The following VEZT variants were observed in gnomAD, a reference collection of about 807,000 sequenced individuals.
VEZT encodes vezatin.
In VEZT, 39 loss-of-function variants were observed where a neutral mutation model predicts 79.9. That is an observed-to-expected ratio of 0.49 (90% CI 0.38 to 0.64). VEZT has a LOEUF of 0.64. Ranked by LOEUF, VEZT falls within the 30% of genes least tolerant of loss-of-function variation. The pLI is 0.00. For missense variants in VEZT, 837 were observed against 893.1 expected, an observed-to-expected ratio of 0.94 and a Z score of 0.80; for synonymous variants, 325 against 327.6, an observed-to-expected ratio of 0.99 and a Z score of 0.09.
intron 9 of VEZT, among the ~76,000 whole-genome samples, chr12:95,292,893 CA>C (rs1478974178): frequency 6.8e-6 from 1 of 147,384 alleles, no homozygotes; most frequent in Non-Finnish European, 1.5e-5. Flanking sequence ...CTCTGTTGCC[CA>C]GGCTGGAGTG....
intron 1 of VEZT, among the ~76,000 whole-genome samples, chr12:95,238,853 C>A (rs901138190): frequency 6.6e-6 from 1 of 152,078 alleles, no homozygotes; most frequent in Non-Finnish European, 1.5e-5. Flanking sequence ...TTCTTGTAGT[C>A]CCAGTTATCC....
At chr12:95,268,262 G>A (rs931436969) in intron 5 of VEZT, among the ~76,000 whole-genome samples, 2 of 152,136 alleles carry the variant, frequency 1.3e-5, no homozygotes, top group Admixed American at 6.5e-5. Flanking sequence ...TTGGGAGGCC[G>A]AGGCGGGCGG....
In VEZT at chr12:95,301,621, T is replaced by C; in HGVS notation, c.*948T>C. 6.6e-6 allele frequency: 1 copy of C among 152,232 alleles called. No individual in the cohort carries two copies. The highest frequency in any genetic ancestry group is 1.5e-5 in the Non-Finnish European group (1 of 68,040). The allele number at this position is 152,232 out of a possible 1,614,324, so 9.4% of individuals were successfully genotyped here. A position where few individuals can be genotyped will look rare whatever the true frequency, so the allele number is the denominator to read the frequency against. On this transcript the variant is annotated 3_prime_UTR_variant, in exon 12 of 12. Coordinates refer to ENST00000436874, the MANE Select transcript of VEZT (RefSeq NM_017599.4). ...AGACTGCTTTTCAAATTGGCCAATC[T>C]TACCTGTTTTGTGTTGTGATTGCAT...
rs117022849 is a variant in VEZT, at chr12:95,297,578, G to A, written c.1831+1320G>A. ...CATTTTCAGTACTTTTTTCTTCTAA[G>A]CTATCTTGCAAACTCTTTGCAGATT... On this transcript the variant is annotated intron_variant, in intron 11 of 11. Transcript: ENST00000436874. 8.4e-3 allele frequency among the ~76,000 whole-genome samples: 1,271 copies of A among 152,012 alleles called. 12 individuals are homozygous for A. The highest frequency in any genetic ancestry group is 0.021 in the South Asian group (99 of 4,820).
chr12:95,280,315 C>A (rs1386502792), intron 7 of VEZT, among the ~76,000 whole-genome samples: 1 of 152,134 alleles, frequency 6.6e-6, no homozygotes, highest in African/African-American at 2.4e-5. Context: ...CACAACAGTA[C>A]TTTGCATTTG....
intron 4 of VEZT, among the ~76,000 whole-genome samples, chr12:95,265,001 C>T (rs1225379839): frequency 7.9e-5 from 12 of 151,152 alleles, no homozygotes; most frequent in Admixed American, 7.3e-4. Context: ...GCAGGGACTA[C>T]GGATGCATGC....
rs948150670 is a variant in VEZT, at chr12:95,262,062, A to G, written c.259-844A>G. ...TATCCTGTACCATCCCACTTCTCCAACTCCTTTGTCTGGTCAATTTTTGTT... is the reference window on the plus strand; with the variant it reads ...TATCCTGTACCATCCCACTTCTCCAGCTCCTTTGTCTGGTCAATTTTTGTT... On this transcript the variant is annotated intron_variant, in intron 3 of 11. Coordinates refer to ENST00000436874, the MANE Select transcript of VEZT (RefSeq NM_017599.4). Among the ~76,000 whole-genome samples the G allele has an allele frequency of 4.6e-5, 7 of 151,792 alleles. No homozygotes were observed. The South Asian group carries it at 8.3e-4, about 18-fold the overall frequency.
At chr12:95,234,703 T>A (rs2059770885) in intron 1 of VEZT, among the ~76,000 whole-genome samples, 1 of 152,172 alleles carries the variant, frequency 6.6e-6, no homozygotes, top group Admixed American at 6.5e-5. Context: ...TGATCATTCT[T>A]GGGTGTGATT....
intron 4 of VEZT, among the ~76,000 whole-genome samples, chr12:95,265,246 G>GA (rs2065311669): frequency 6.6e-6 from 1 of 151,834 alleles, no homozygotes; most frequent in South Asian, 2.1e-4. Context: ...CAATTGATAT[G>GA]AATTTTAAAA....
In VEZT at chr12:95,286,148, A is replaced by C. The variant is rs547563541; in HGVS notation, c.1329-1516A>C. On this transcript the variant is annotated intron_variant, in intron 8 of 11. Transcript: ENST00000436874. ...GCTGGGATCACAGGCACCTGCCACC[A>C]TGCCCAGCTAATTTTTATACTTTTG... Among the ~76,000 whole-genome samples, 364 of 152,026 alleles carry C rather than the reference A, an allele frequency of 2.4e-3. 3 individuals carry two copies. The highest frequency in any genetic ancestry group is 6.8e-3 in the Middle Eastern group (2 of 294).
intron 1 of VEZT, among the ~76,000 whole-genome samples, chr12:95,246,042 A>G (rs1176152675): frequency 6.6e-6 from 1 of 152,276 alleles, no homozygotes; most frequent in African/African-American, 2.4e-5. Context: ...TACATCATGA[A>G]TCATGTAGAA....
chr12:95,287,979 C>CT, intron 9 of VEZT, 122 bp downstream of exon 9: 109 of 823,354 alleles, frequency 1.3e-4, no homozygotes, highest in Middle Eastern at 3.9e-4. Flanking sequence ...TCTTAGTTTA[C>CT]TTTTTTTTAA....
At position 95,300,221 on chromosome 12, in the gene VEZT, C is replaced by A. The variant is rs751053966; in HGVS notation, c.1888C>A (p.Pro630Thr). ...AGTGGAACCCATAAGTAATTCAGAA[C>A]CATCAATGAATTCAGATATGGGAAA... ...DPVEPISNSEPSMNSDMGKVS... is the reference protein window; with the variant it reads ...DPVEPISNSETSMNSDMGKVS... Residue 630 changes from proline to threonine, a missense_variant, in exon 12 of 12, where the codon CCA becomes ACA. Coordinates refer to ENST00000436874, the MANE Select transcript of VEZT (RefSeq NM_017599.4). 6 of 1,561,352 alleles carry A rather than the reference C, an allele frequency of 3.8e-6. No homozygotes were observed. The highest frequency in any genetic ancestry group is 4.8e-5 in the East Asian group (2 of 42,020).
At chr12:95,274,364 G>T (rs2067212398) in intron 6 of VEZT, among the ~76,000 whole-genome samples, 1 of 152,138 alleles carries the variant, frequency 6.6e-6, no homozygotes, top group South Asian at 2.1e-4. Flanking sequence ...TACTCGAGAG[G>T]CTGAGACATG....
chr12:95,253,871 A>G (rs1050865561), intron 2 of VEZT, among the ~76,000 whole-genome samples: 4 of 152,308 alleles, frequency 2.6e-5, no homozygotes, highest in South Asian at 2.1e-4. Flanking sequence ...AGGCTGAGGC[A>G]GAAGGACCAC....
At chr12:95,296,396 G>A (rs992442951) in intron 11 of VEZT, 138 bp downstream of exon 11, 1 of 629,686 alleles carries the variant, frequency 1.6e-6, no homozygotes, top group Non-Finnish European at 2.5e-6. Flanking sequence ...TTTTCTTCTA[G>A]ATGCTAAATC....
intron 3 of VEZT, among the ~76,000 whole-genome samples, chr12:95,261,733 A>C (rs572370727): frequency 1.3e-5 from 2 of 152,370 alleles, no homozygotes; most frequent in South Asian, 2.1e-4. Flanking sequence ...AATTTAATAC[A>C]AAATACAACT....
chr12:95,297,328 C>T (rs1439541941), intron 11 of VEZT, among the ~76,000 whole-genome samples: 2 of 152,110 alleles, frequency 1.3e-5, no homozygotes, highest in African/African-American at 4.8e-5. Flanking sequence ...TCGAAATCAA[C>T]TGCCCTGCTT....
At chr12:95,295,396 G>A (rs1188901110) in intron 10 of VEZT, among the ~76,000 whole-genome samples, 4 of 152,146 alleles carry the variant, frequency 2.6e-5, no homozygotes, top group Admixed American at 6.5e-5. Context: ...TCCTGACCTC[G>A]TGATCCGCCT....
Sources: allele counts gnomAD v4.1 joint callset (sites outside exome capture counted in the v4.1 genomes callset), GRCh38; gene constraint gnomAD v4.1.1; transcripts MANE v1.5; gene names NCBI Gene and HGNC (gene_info 2026-07-23, HGNC 2026-07-21).